Variants in KCNQ1 observed in about 807,000 individuals in gnomAD.
KCNQ1 encodes the protein potassium voltage-gated channel subfamily KQT member 1.
In KCNQ1, 49 loss-of-function variants were observed where a neutral mutation model predicts 72.4. The observed-to-expected ratio is 0.68, with a 90% CI of 0.54 to 0.86. KCNQ1 has a LOEUF of 0.86. Ranked by LOEUF, KCNQ1 falls within the 40% of genes least tolerant of loss-of-function variation. KCNQ1 has a pLI of 0.00. For missense variants in KCNQ1, 790 were observed against 945.1 expected (o/e 0.84, Z 2.15); for synonymous variants, 450 against 412.6 (o/e 1.09, Z -1.10).
In KCNQ1 at chr11:2,676,833, T is replaced by A; in HGVS notation, c.1514+14752T>A. The A allele has an allele frequency of 7.5e-6, 3 of 398,608 alleles. No homozygotes were observed. The highest frequency in any genetic ancestry group is 1.3e-5 in the Non-Finnish European group (3 of 226,052). The allele number at this position is 398,608 out of a possible 1,614,324, so 24.7% of individuals were successfully genotyped here. A position where few individuals can be genotyped will look rare whatever the true frequency, so the allele number is the denominator to read the frequency against. ...GCTGGGATCTACCACAGGGGTCATGTTGTAATGACACCTGTCAGCTTTGAC... is the reference window on the plus strand; with the variant it reads ...GCTGGGATCTACCACAGGGGTCATGATGTAATGACACCTGTCAGCTTTGAC... On this transcript the variant is annotated intron_variant, in intron 11 of 15. Transcript: ENST00000155840. The surrounding 1 kb of genome is among the most constrained non-coding windows in gnomAD (Gnocchi z 4.2).
intron 11 of KCNQ1, among the ~76,000 whole-genome samples, chr11:2,700,615 G>T (rs1259284060): frequency 1.3e-5 from 2 of 152,138 alleles, no homozygotes; most frequent in African/African-American, 4.8e-5. Flanking sequence ...CCACTGCTGT[G>T]CCTGGAACAC....
intron 15 of KCNQ1, among the ~76,000 whole-genome samples, chr11:2,800,341 A>G (rs1374239644): frequency 6.6e-6 from 1 of 152,216 alleles, no homozygotes; most frequent in African/African-American, 2.4e-5. Flanking sequence ...GGCAGAGGCT[A>G]TAGAGGAGGT....
At chr11:2,718,049 G>C (rs1201273281) in intron 11 of KCNQ1, among the ~76,000 whole-genome samples, 4 of 151,670 alleles carry the variant, frequency 2.6e-5, no homozygotes, top group Admixed American at 2.0e-4. Flanking sequence ...TAGTCTCAGG[G>C]CATGTTCAAT....
chr11:2,628,912 A>G, intron 10 of KCNQ1: 1 of 398,368 alleles, frequency 2.5e-6, no homozygotes, highest in Non-Finnish European at 4.4e-6. Flanking sequence ...TTTGTCAAAG[A>G]TTAGTTGACC....
At chr11:2,512,765 G>A (rs1033253086) in intron 1 of KCNQ1, among the ~76,000 whole-genome samples, 3 of 152,304 alleles carry the variant, frequency 2.0e-5, no homozygotes, top group East Asian at 1.9e-4. Context: ...GGCTGGGGGC[G>A]CCTGCCTGTC....
rs1846516787 is a variant in KCNQ1, at chr11:2,767,289, G to A, written c.1515-1555G>A. 6.6e-6 allele frequency among the ~76,000 whole-genome samples: 1 copy of A among 152,046 alleles called. No homozygotes were observed. Among genetic ancestry groups the A allele is most frequent in the East Asian group, 1.9e-4 (1 of 5,200 alleles). On this transcript the variant is annotated intron_variant, in intron 11 of 15. Coordinates refer to ENST00000155840, the MANE Select transcript of KCNQ1 (RefSeq NM_000218.3). This position sits in a 1 kb window ranked among gnomAD's most constrained non-coding sequence, Gnocchi z 4.6. ...CTGAGGCCTCTCTCTTCTCCATGTG[G>A]CCTCTCTAATCAGCAAGCTTGTTTG...
chr11:2,449,546 A>G (rs888267285), intron 1 of KCNQ1, among the ~76,000 whole-genome samples: 2 of 152,158 alleles, frequency 1.3e-5, no homozygotes, highest in Admixed American at 1.3e-4. Flanking sequence ...GAGTTCTGCC[A>G]CGTGCCATCC....
intron 11 of KCNQ1, chr11:2,694,180 T>C (rs1363057866): frequency 5.0e-6 from 2 of 398,574 alleles, no homozygotes; most frequent in Admixed American, 8.8e-5. Context: ...TGGCCAGGCC[T>C]GGGCCAGGGT....
At chr11:2,535,625 C>T (rs908605286) in intron 2 of KCNQ1, among the ~76,000 whole-genome samples, 4 of 152,204 alleles carry the variant, frequency 2.6e-5, no homozygotes, top group Admixed American at 2.0e-4. Context: ...CACTGCCTTT[C>T]AGAGCCCTGT....
intron 2 of KCNQ1, among the ~76,000 whole-genome samples, chr11:2,554,149 G>T (rs142191681): frequency 1.3e-5 from 2 of 152,222 alleles, no homozygotes; most frequent in African/African-American, 2.4e-5. Flanking sequence ...ATCAGATGCC[G>T]CTGGCATCAG....
chr11:2,805,291 C>A (rs999091423), intron 15 of KCNQ1, among the ~76,000 whole-genome samples: 1 of 152,228 alleles, frequency 6.6e-6, no homozygotes, highest in African/African-American at 2.4e-5. Flanking sequence ...CACAGGGCCC[C>A]TCCCTGCCTG....
At chr11:2,448,435 G>A (rs1462860075) in intron 1 of KCNQ1, among the ~76,000 whole-genome samples, 6 of 152,232 alleles carry the variant, frequency 3.9e-5, no homozygotes, top group African/African-American at 1.4e-4. Context: ...GGTGGATGGG[G>A]CTGATCTGGC....
chr11:2,456,056 G>A (rs1241774062), intron 1 of KCNQ1, among the ~76,000 whole-genome samples: 5 of 152,118 alleles, frequency 3.3e-5, no homozygotes, highest in Non-Finnish European at 7.4e-5. Flanking sequence ...CAGATTAGAC[G>A]TGGCCAGGCA....
rs900210742 is a variant in KCNQ1 at position 2,451,154 on chromosome 11, C to A, written c.386+5670C>A. On this transcript the variant is annotated intron_variant, in intron 1 of 15. Transcript: ENST00000155840. The surrounding 1 kb of genome is among the most constrained non-coding windows in gnomAD (Gnocchi z 6.4). ...TTCCCCGTAGAGCAGCAGTCCCCAA[C>A]CTTTTTAGTACCAGAGACCTGTTTT... is the stretch of plus-strand genomic sequence containing the variant. Among the ~76,000 whole-genome samples, 1 of 152,176 alleles carries A rather than the reference C, an allele frequency of 6.6e-6. No individual in the cohort carries two copies. The highest frequency in any genetic ancestry group is 1.5e-5 in the Non-Finnish European group (1 of 68,044).
rs553260474 is a variant in KCNQ1, at chr11:2,623,137, C to T, written c.1393+34283C>T. ...TGGCACTTCCCATCTCACTTTCTTT[C>T]CCTCTCCTGTTCTGCCATGGTAAAG... On this transcript the variant is annotated intron_variant, in intron 10 of 15. Coordinates refer to ENST00000155840, the MANE Select transcript of KCNQ1 (RefSeq NM_000218.3). The surrounding 1 kb of genome is among the most constrained non-coding windows in gnomAD (Gnocchi z 5.2). 1.5e-3 allele frequency: 581 copies of T among 398,572 alleles called. 3 individuals carry two copies. The highest frequency in any genetic ancestry group is 0.01 in the African/African-American group (502 of 48,708). The allele number at this position is 398,572 out of a possible 1,614,324, so 24.7% of individuals were successfully genotyped here. A position where few individuals can be genotyped will look rare whatever the true frequency, so the allele number is the denominator to read the frequency against.
intron 11 of KCNQ1, among the ~76,000 whole-genome samples, chr11:2,721,019 A>T (rs1455287672): frequency 6.6e-6 from 1 of 152,080 alleles, no homozygotes; most frequent in Admixed American, 6.5e-5. Context: ...GTCCCTGGAC[A>T]CCTGCAGCAG....
At chr11:2,684,083 G>A (rs1850444827) in intron 11 of KCNQ1, 2 of 398,188 alleles carry the variant, frequency 5.0e-6, no homozygotes. Context: ...TCATTAACTG[G>A]TACAGCAATT....
chr11:2,786,949 G>GTTTTTTTTTTTTTTTTTT (rs5789272), intron 15 of KCNQ1, among the ~76,000 whole-genome samples: 5 of 120,330 alleles, frequency 4.2e-5, no homozygotes, highest in Non-Finnish European at 6.7e-5. Context: ...TTTCGTTTCT[G>GTTTTTTTTTTTTTTTTTT]TTTTTTTTTT....
At position 2,612,948 on chromosome 11, in the gene KCNQ1, A is replaced by G. The variant is rs1038385884; in HGVS notation, c.1393+24094A>G. 1 of 398,382 alleles carries G rather than the reference A, an allele frequency of 2.5e-6. No individual in the cohort carries two copies. The highest frequency in any genetic ancestry group is 2.1e-5 in the African/African-American group (1 of 48,576). 24.7% of individuals were successfully genotyped at this position (398,382 alleles called of 1,614,324 possible). A position where few individuals can be genotyped will look rare whatever the true frequency, so the allele number is the denominator to read the frequency against. The stretch of plus-strand genomic sequence containing the variant: ...TGCCTTCTCTGCATGGATTCTGCAG[A>G]GTCTGTGTTCTCCTGCAGTGTGCAG... On this transcript the variant is annotated intron_variant, in intron 10 of 15. Coordinates refer to ENST00000155840, the MANE Select transcript of KCNQ1 (RefSeq NM_000218.3). This position sits in a 1 kb window ranked among gnomAD's most constrained non-coding sequence, Gnocchi z 5.5.
Sources: gnomAD v4.1 joint callset for allele counts (sites outside exome capture counted in the v4.1 genomes callset) on GRCh38, gnomAD v4.1.1 for gene constraint, Gnocchi (gnomAD v3.1) non-coding constraint, MANE v1.5 for transcripts, NCBI Gene and HGNC (gene_info 2026-07-23, HGNC 2026-07-21) for gene names.